RANBP2: variants seen among roughly 807,000 people sequenced by gnomAD.
RANBP2 encodes RAN binding protein 2, also known as E3 SUMO-protein ligase RanBP2.
RANBP2 carries 57 observed loss-of-function variants against 303.6 expected under a neutral mutation model. The ratio of observed to expected loss-of-function variants is 0.19; its 90% confidence interval spans 0.15 to 0.23. RANBP2 has a LOEUF of 0.23. Ranked by LOEUF, RANBP2 falls within the 10% of genes least tolerant of loss-of-function variation. The pLI, the probability that RANBP2 is intolerant of heterozygous loss-of-function variation, is 1.00. For missense variants in RANBP2, 3,138 were observed against 3,780.8 expected (o/e 0.83, Z 4.46); for synonymous variants, 1,167 against 1,301.5 (o/e 0.90, Z 2.23).
At chr2:109,208,539 G>A in the RANBP2 span, among the ~76,000 whole-genome samples, 1 of 152,162 alleles carries the variant, frequency 6.6e-6, no homozygotes, top group Non-Finnish European at 1.5e-5. Flanking sequence ...TGGAAGTGGA[G>A]CCACCAGCAC....
chr2:108,798,416 A>AT, the RANBP2 span: 3 of 1,600,686 alleles, frequency 1.9e-6, no homozygotes, highest in Non-Finnish European at 1.7e-6. Flanking sequence ...AAAGTCTGGC[A>AT]TTTTGATACA....
the RANBP2 span, among the ~76,000 whole-genome samples, chr2:109,242,995 A>G: frequency 3.3e-3 from 508 of 152,350 alleles, 4 homozygotes; most frequent in African/African-American, 0.011. Context: ...TGGTTCTGTT[A>G]TTCTGAGTGT....
the RANBP2 span, among the ~76,000 whole-genome samples, chr2:109,031,086 T>C: frequency 6.6e-6 from 1 of 151,416 alleles, no homozygotes; most frequent in South Asian, 2.1e-4. Context: ...GATGCTGGAG[T>C]CTAAGGGTAT....
chr2:109,436,778 C>G, the RANBP2 span: 1 of 1,441,378 alleles, frequency 6.9e-7, no homozygotes, highest in East Asian at 2.5e-5. Flanking sequence ...GTCCCCAGAT[C>G]AGTTGGCCTT....
chr2:109,688,876 T>TTTCC, the RANBP2 span, among the ~76,000 whole-genome samples: 2,238 of 147,364 alleles, frequency 0.015, 42 homozygotes, highest in East Asian at 0.069. Context: ...CTACATTTAT[T>TTTCC]TTCCTTCCTT....
chr2:108,981,615 T>C, the RANBP2 span, among the ~76,000 whole-genome samples: 1 of 152,156 alleles, frequency 6.6e-6, no homozygotes, highest in African/African-American at 2.4e-5. Context: ...CACACATCTG[T>C]CTATACCTAG....
At chr2:109,644,122 AAAAAAAAAACAAAAAAAC>A in the RANBP2 span, among the ~76,000 whole-genome samples, 1 of 95,676 alleles carries the variant, frequency 1.0e-5, no homozygotes, top group Non-Finnish European at 2.1e-5. Flanking sequence ...CTCTGTCTCA[AAAAAAAAAACAAAAAAAC>A]AAAAAAAAAC....
the RANBP2 span, among the ~76,000 whole-genome samples, chr2:109,525,687 T>G: frequency 6.6e-6 from 1 of 152,122 alleles, no homozygotes; most frequent in Non-Finnish European, 1.5e-5. Flanking sequence ...GGTGCCCATT[T>G]GTTGTAAGAT....
chr2:109,530,247 G>A, the RANBP2 span, among the ~76,000 whole-genome samples: 7 of 152,190 alleles, frequency 4.6e-5, no homozygotes, highest in Non-Finnish European at 7.3e-5. Flanking sequence ...AGCTGAGCCA[G>A]AGATCACCTG....
At chr2:109,137,744 C>T in the RANBP2 span, among the ~76,000 whole-genome samples, 1 of 152,196 alleles carries the variant, frequency 6.6e-6, no homozygotes, top group East Asian at 1.9e-4. Flanking sequence ...CATTAGACAC[C>T]ACCCGTCCTG....
the RANBP2 span, chr2:109,732,754 C>G: frequency 1.3e-6 from 1 of 753,218 alleles, no homozygotes; most frequent in Non-Finnish European, 2.4e-6. Flanking sequence ...ATCTTGGAAA[C>G]AATGGCAACA....
chr2:109,643,473 C>G, the RANBP2 span, among the ~76,000 whole-genome samples: 1 of 152,058 alleles, frequency 6.6e-6, no homozygotes, highest in African/African-American at 2.4e-5. Context: ...AAGAAGCCTG[C>G]CAAAGGCTGG....
At chr2:109,537,744 G>A in the RANBP2 span, among the ~76,000 whole-genome samples, 9 of 152,070 alleles carry the variant, frequency 5.9e-5, no homozygotes, top group Admixed American at 6.5e-5. Context: ...TCAGGAGTTC[G>A]AGACAAGCCT....
chr2:109,565,706 G>A, the RANBP2 span: 1 of 1,382,670 alleles, frequency 7.2e-7, no homozygotes, highest in African/African-American at 1.4e-5. Flanking sequence ...GGCATGACAG[G>A]TAGCTTTGAG....
At chr2:109,507,883 G>A in the RANBP2 span, among the ~76,000 whole-genome samples, 10 of 152,334 alleles carry the variant, frequency 6.6e-5, no homozygotes, top group South Asian at 2.1e-3. Context: ...TGGACCTAGG[G>A]ATGTGGGATA....
At chr2:109,220,177 T>C in the RANBP2 span, among the ~76,000 whole-genome samples, 1 of 152,218 alleles carries the variant, frequency 6.6e-6, no homozygotes, top group Non-Finnish European at 1.5e-5. Context: ...CAATGAGGAA[T>C]GGGCAGCCTT....
At chr2:109,616,959 G>GTTCT in the RANBP2 span, 1 of 166,848 alleles carries the variant, frequency 6.0e-6, no homozygotes, top group African/African-American at 2.4e-5. Context: ...TTTAACCATT[G>GTTCT]TTCTATTTGG....
At chr2:109,116,085 T>C in the RANBP2 span, among the ~76,000 whole-genome samples, 2 of 152,210 alleles carry the variant, frequency 1.3e-5, no homozygotes, top group African/African-American at 2.4e-5. Context: ...ATTTCAACTT[T>C]GGTGAATCTG....
the RANBP2 span, among the ~76,000 whole-genome samples, chr2:109,194,788 A>G: frequency 6.6e-6 from 1 of 152,356 alleles, no homozygotes; most frequent in South Asian, 2.1e-4. Context: ...TGTGGTTGTC[A>G]GGGCAACCAA....
Sources: gnomAD v4.1 joint callset for allele counts (sites outside exome capture counted in the v4.1 genomes callset) on GRCh38, gnomAD v4.1.1 for gene constraint, MANE v1.5 for transcripts, NCBI Gene and HGNC (gene_info 2026-07-23, HGNC 2026-07-21) for gene names.